HRH1: variants seen among roughly 807,000 people sequenced by gnomAD.
HRH1 encodes histamine receptor H1.
A neutral mutation model predicts 10.3 loss-of-function variants in HRH1; 6 were observed. The ratio of observed to expected loss-of-function variants is 0.58; its 90% CI spans 0.32 to 1.15. The LOEUF (loss-of-function observed/expected upper bound fraction) is 1.15, where lower values mean the gene tolerates loss of function less well. Ranked by LOEUF, HRH1 falls within the 50% of genes most tolerant of loss-of-function variation. The pLI is 0.05. For synonymous variants in HRH1, 242 were observed against 236.7 expected (o/e 1.02, Z -0.21); for missense variants, 514 against 615.3 (o/e 0.84, Z 1.74).
intron 1 of HRH1, among the ~76,000 whole-genome samples, chr3:11,239,285 G>A (rs1939271547): frequency 6.6e-6 from 1 of 152,150 alleles, no homozygotes; most frequent in Non-Finnish European, 1.5e-5. Flanking sequence ...ATCCTTTCAT[G>A]TGCTTTTGAG....
intron 1 of HRH1, among the ~76,000 whole-genome samples, chr3:11,194,565 C>A (rs1937606566): frequency 6.6e-6 from 1 of 152,206 alleles, no homozygotes; most frequent in Admixed American, 6.5e-5. Context: ...TGTTGGCTCA[C>A]GCCTGTAATC....
chr3:11,245,488 C>A (rs1939456099), intron 1 of HRH1, among the ~76,000 whole-genome samples: 1 of 152,214 alleles, frequency 6.6e-6, no homozygotes, highest in Admixed American at 6.5e-5. Context: ...CTCCTCTCCG[C>A]CCAGATATGC....
chr3:11,221,995 G>C (rs549815621), intron 1 of HRH1, among the ~76,000 whole-genome samples: 1 of 152,302 alleles, frequency 6.6e-6, no homozygotes, highest in South Asian at 2.1e-4. Flanking sequence ...CCATTCATCT[G>C]CTGATGGACA....
intron 1 of HRH1, chr3:11,234,551 G>A: frequency 5.0e-6 from 7 of 1,411,922 alleles, no homozygotes; most frequent in Non-Finnish European, 6.0e-6. Flanking sequence ...TTCATTGGTA[G>A]TATCAATCCA....
At chr3:11,229,937 T>G (rs753242265) in intron 1 of HRH1, among the ~76,000 whole-genome samples, 41 of 152,154 alleles carry the variant, frequency 2.7e-4, no homozygotes, top group Non-Finnish European at 5.4e-4. Flanking sequence ...GAGAAAAATG[T>G]GGATTTAGAA....
chr3:11,155,680 G>A (rs1444294391), intron 1 of HRH1, among the ~76,000 whole-genome samples: 2 of 152,190 alleles, frequency 1.3e-5, no homozygotes, highest in Non-Finnish European at 2.9e-5. Context: ...GCTGGAAGGT[G>A]CCTGAATAAC....
rs1235528632 is a variant in HRH1 at position 11,260,545 on chromosome 3, CA to C, written c.*46del. The C allele has an allele frequency of 2.6e-6, 4 of 1,517,052 alleles. No individual in the cohort carries two copies. The South Asian group carries it at 5.2e-5, about 20-fold the overall frequency. 94.0% of individuals were successfully genotyped at this position (1,517,052 alleles called of 1,614,324 possible). On this transcript the variant is annotated 3_prime_UTR_variant, in exon 2 of 2. Transcript: ENST00000431010. ...GCAACAAAATGATCCTTATGATGTC[CA>C]ACAAGGAAATAGAGGACGAAGGCCT...
intron 1 of HRH1, among the ~76,000 whole-genome samples, chr3:11,253,870 G>T (rs569343547): frequency 6.6e-6 from 1 of 152,076 alleles, no homozygotes; most frequent in South Asian, 2.1e-4. Context: ...AAAACTGATC[G>T]ATCTGATCTG....
intron 1 of HRH1, among the ~76,000 whole-genome samples, chr3:11,162,133 C>T (rs1936938734): frequency 6.6e-6 from 1 of 152,118 alleles, no homozygotes; most frequent in Admixed American, 6.5e-5. Flanking sequence ...GGAAAGGACG[C>T]ATGCTCCCTG....
chr3:11,157,165 C>T (rs1010771021), intron 1 of HRH1, among the ~76,000 whole-genome samples: 8 of 152,114 alleles, frequency 5.3e-5, no homozygotes, highest in Non-Finnish European at 1.0e-4. Flanking sequence ...GGGTTGGAAC[C>T]CCAGCTCTTG....
At chr3:11,249,170 G>T (rs1266573171) in intron 1 of HRH1, among the ~76,000 whole-genome samples, 1 of 152,098 alleles carries the variant, frequency 6.6e-6, no homozygotes, top group East Asian at 1.9e-4. Context: ...GCCAAGGCAG[G>T]TGGATCACGA....
intron 1 of HRH1, among the ~76,000 whole-genome samples, chr3:11,183,217 G>A (rs1282093519): frequency 6.6e-6 from 1 of 152,214 alleles, no homozygotes. Flanking sequence ...CCTAGACAGT[G>A]CTGAGTTTGG....
intron 1 of HRH1, among the ~76,000 whole-genome samples, chr3:11,171,211 G>A (rs1007710048): frequency 2.0e-5 from 3 of 151,388 alleles, no homozygotes; most frequent in African/African-American, 7.3e-5. Context: ...TCTATACCTG[G>A]GTTCGAGCAA....
intron 1 of HRH1, among the ~76,000 whole-genome samples, chr3:11,167,830 C>A (rs1937076982): frequency 6.6e-6 from 1 of 152,196 alleles, no homozygotes; most frequent in African/African-American, 2.4e-5. Context: ...AGGCTTGGGG[C>A]CTGCCAGGCC....
In HRH1 at chr3:11,260,768, A is replaced by C. The variant is rs1939934148; in HGVS notation, c.*267A>C. The C allele has an allele frequency of 2.4e-6, 1 of 412,106 alleles. No homozygotes were observed. The highest frequency in any genetic ancestry group is 6.6e-5 in the South Asian group (1 of 15,222). 25.5% of individuals were successfully genotyped at this position (412,106 alleles called of 1,614,324 possible). On this transcript the variant is annotated 3_prime_UTR_variant, in exon 2 of 2. Coordinates refer to ENST00000431010, the MANE Select transcript of HRH1 (RefSeq NM_001098212.2). ...TCTTGTAACTGGGTTCAAAAAGAAA[A>C]AAATAATAAAAATAAAAGAGAGAGA...
chr3:11,215,258 T>G (rs1938449523), intron 1 of HRH1, among the ~76,000 whole-genome samples: 2 of 152,238 alleles, frequency 1.3e-5, no homozygotes, highest in African/African-American at 4.8e-5. Context: ...GCACTCATAT[T>G]TCACCTTATT....
At chr3:11,171,100 G>A (rs1359691151) in intron 1 of HRH1, among the ~76,000 whole-genome samples, 1 of 150,030 alleles carries the variant, frequency 6.7e-6, no homozygotes, top group Non-Finnish European at 1.5e-5. Flanking sequence ...GCAGTTGCAG[G>A]GTTTTGGGGT....
chr3:11,196,984 G>A (rs951007351), intron 1 of HRH1, among the ~76,000 whole-genome samples: 17 of 150,380 alleles, frequency 1.1e-4, no homozygotes, highest in Non-Finnish European at 1.5e-5. Flanking sequence ...AATTAGCTGG[G>A]CATGGTGGTG....
chr3:11,188,273 T>C (rs1237818599), intron 1 of HRH1, among the ~76,000 whole-genome samples: 1 of 152,362 alleles, frequency 6.6e-6, no homozygotes, highest in East Asian at 1.9e-4. Flanking sequence ...AGAATATCCA[T>C]GCCTTTTGAT....
Sources: allele counts gnomAD v4.1 joint callset (sites outside exome capture counted in the v4.1 genomes callset), GRCh38; gene constraint gnomAD v4.1.1; transcripts MANE v1.5; gene names NCBI Gene and HGNC (gene_info 2026-07-23, HGNC 2026-07-21).